The following DLG2 variants were observed in gnomAD, a reference collection of about 807,000 sequenced individuals.
DLG2 encodes the protein discs large MAGUK scaffold protein 2.
In DLG2, 45 loss-of-function variants were observed where a neutral mutation model predicts 132.5. That is an observed-to-expected ratio of 0.34 (90% CI 0.27 to 0.44). The LOEUF (loss-of-function observed/expected upper bound fraction) is 0.44, where lower values mean the gene tolerates loss of function less well. DLG2 is among the 20% of genes least tolerant of loss of function. The probability of loss-of-function intolerance (pLI) is 1.00; values close to 1 mark genes in which losing one functional copy is unlikely to be tolerated. For missense variants in DLG2, 1,045 were observed against 1,196.9 expected (o/e 0.87, Z 1.87); for synonymous variants, 424 against 419.6 (o/e 1.01, Z -0.13).
intron 15 of DLG2, among the ~76,000 whole-genome samples, chr11:83,900,128 T>C (rs990001546): frequency 1.3e-5 from 2 of 152,138 alleles, no homozygotes; most frequent in African/African-American, 4.8e-5. Flanking sequence ...AGAGAGATGA[T>C]TTAGGGTATC....
chr11:85,020,708 C>A (rs2059978517), intron 6 of DLG2: 2 of 548,074 alleles, frequency 3.6e-6, no homozygotes, highest in Non-Finnish European at 7.0e-6. Context: ...GCTGGGAAAA[C>A]TGGCTAGCCA....
At chr11:84,103,390 G>C (rs71469623) in intron 9 of DLG2, among the ~76,000 whole-genome samples, 5,290 of 152,188 alleles carry the variant, frequency 0.035, 140 homozygotes, top group Non-Finnish European at 0.055. Flanking sequence ...ATCTCTCCAT[G>C]TGAACAGGCA....
intron 11 of DLG2, among the ~76,000 whole-genome samples, chr11:84,055,574 T>C (rs193174601): frequency 1.3e-5 from 2 of 152,208 alleles, no homozygotes; most frequent in East Asian, 3.9e-4. Flanking sequence ...CAAGATCTTT[T>C]CCTACACTAT....
At chr11:84,721,546 CAAA>C (rs5793137) in intron 6 of DLG2, among the ~76,000 whole-genome samples, 51 of 137,368 alleles carry the variant, frequency 3.7e-4, no homozygotes, top group African/African-American at 6.3e-4. Context: ...GCAGAAAGAC[CAAA>C]AAAAAAAAAA....
intron 6 of DLG2, among the ~76,000 whole-genome samples, chr11:84,715,567 G>A (rs1450969408): frequency 6.6e-6 from 1 of 151,972 alleles, no homozygotes; most frequent in African/African-American, 2.4e-5. Context: ...CCATTCTACT[G>A]AGTTTGTATG....
At chr11:84,281,566 G>T (rs529719810) in intron 7 of DLG2, among the ~76,000 whole-genome samples, 5 of 151,024 alleles carry the variant, frequency 3.3e-5, no homozygotes, top group African/African-American at 1.2e-4. Context: ...GCATTAGGTA[G>T]ATCTCCTAAT....
intron 6 of DLG2, among the ~76,000 whole-genome samples, chr11:84,698,666 C>T (rs190024639): frequency 4.0e-5 from 6 of 151,552 alleles, no homozygotes; most frequent in Admixed American, 6.6e-5. Flanking sequence ...AAAAATTAAA[C>T]GTTCTTCTAA....
intron 4 of DLG2, among the ~76,000 whole-genome samples, chr11:85,171,724 G>C (rs539978056): frequency 6.6e-6 from 1 of 152,184 alleles, no homozygotes; most frequent in Non-Finnish European, 1.5e-5. Context: ...CAAGTTCCTG[G>C]GGGGAAGGGC....
At chr11:83,893,863 G>A (rs790343) in intron 15 of DLG2, among the ~76,000 whole-genome samples, 121,496 of 152,140 alleles carry the variant, frequency 0.8, 48,933 homozygotes, top group African/African-American at 0.91. Context: ...AATACCTGAG[G>A]AAAATGTGTT....
At chr11:83,862,413 T>A (rs142388953) in intron 16 of DLG2, among the ~76,000 whole-genome samples, 47 of 152,122 alleles carry the variant, frequency 3.1e-4, no homozygotes, top group African/African-American at 1.1e-3. Flanking sequence ...AACTTATGGA[T>A]ATAATAGAAT....
chr11:85,290,917 A>G (rs938915262), intron 3 of DLG2, among the ~76,000 whole-genome samples: 2 of 152,096 alleles, frequency 1.3e-5, no homozygotes, highest in African/African-American at 4.8e-5. Context: ...TGGATTTTCA[A>G]GCACATCCTT....
At chr11:83,679,030 C>T (rs2078268066) in intron 18 of DLG2, among the ~76,000 whole-genome samples, 1 of 152,074 alleles carries the variant, frequency 6.6e-6, no homozygotes. Context: ...GGGCCAAGAT[C>T]CCAAAATGGA....
intron 17 of DLG2, among the ~76,000 whole-genome samples, chr11:83,787,208 C>T (rs778276964): frequency 6.7e-6 from 1 of 150,360 alleles, no homozygotes; most frequent in African/African-American, 2.5e-5. Flanking sequence ...AGATGAGATT[C>T]TGGGGACATG....
At chr11:85,044,511 T>C (rs952622143) in intron 6 of DLG2, among the ~76,000 whole-genome samples, 1 of 152,012 alleles carries the variant, frequency 6.6e-6, no homozygotes, top group South Asian at 2.1e-4. Context: ...CTGAAAACTT[T>C]CAGGGGTCAG....
chr11:83,766,492 C>T (rs996290124), intron 18 of DLG2, among the ~76,000 whole-genome samples: 16 of 150,478 alleles, frequency 1.1e-4, no homozygotes, highest in Non-Finnish European at 2.1e-4. Context: ...CCACTGTGTT[C>T]CTCCTTCTTA....
At chr11:84,353,861 C>T (rs938844684) in intron 7 of DLG2, among the ~76,000 whole-genome samples, 1 of 152,152 alleles carries the variant, frequency 6.6e-6, no homozygotes, top group African/African-American at 2.4e-5. Flanking sequence ...TTCTACTAAT[C>T]ATTAACATTC....
chr11:85,139,866 G>A (rs191247508), intron 5 of DLG2, among the ~76,000 whole-genome samples: 3 of 152,056 alleles, frequency 2.0e-5, no homozygotes, highest in Admixed American at 6.6e-5. Flanking sequence ...ATGTGTATAT[G>A]TATACACACA....
At chr11:83,736,939 T>C (rs371446653) in intron 18 of DLG2, among the ~76,000 whole-genome samples, 2 of 150,074 alleles carry the variant, frequency 1.3e-5, no homozygotes, top group East Asian at 2.0e-4. Context: ...ACACTGTGGG[T>C]GGTACAATTC....
chr11:83,819,840 G>A (rs987073729), intron 17 of DLG2, among the ~76,000 whole-genome samples: 21 of 152,092 alleles, frequency 1.4e-4, no homozygotes, highest in African/African-American at 4.6e-4. Context: ...CGTTGAAGAA[G>A]GAGTAACATT....
Sources: allele counts gnomAD v4.1 joint callset (sites outside exome capture counted in the v4.1 genomes callset), GRCh38; gene constraint gnomAD v4.1.1; transcripts MANE v1.5; gene names NCBI Gene and HGNC (gene_info 2026-07-23, HGNC 2026-07-21).